The following ANO7 variants were observed in gnomAD, a reference collection of about 807,000 sequenced individuals.
The protein encoded by ANO7 is anoctamin 7, also known as anoctamin-7.
In ANO7, 114 loss-of-function variants were observed where a neutral mutation model predicts 115.8. The ratio of observed to expected loss-of-function variants is 0.98; its 90% confidence interval spans 0.85 to 1.15. The LOEUF (loss-of-function observed/expected upper bound fraction) is 1.15. Ranked by LOEUF, ANO7 falls within the 50% of genes most tolerant of loss-of-function variation. The pLI is 0.00. For missense variants in ANO7, 1,302 were observed against 1,201.2 expected, an observed-to-expected ratio of 1.08 and a Z score of -1.24; for synonymous variants, 550 against 498.2, an observed-to-expected ratio of 1.10 and a Z score of -1.38.
chr2:241,234,001 G>A, the ANO7 span: 3 of 1,612,406 alleles, frequency 1.9e-6, no homozygotes, highest in African/African-American at 1.3e-5. Flanking sequence ...CAAAGATTGA[G>A]CTGATCCACC....
intron 18 of ANO7, 40 bp from the exon 19 acceptor site, chr2:241,216,053 T>C (rs779760669): frequency 5.7e-6 from 9 of 1,572,336 alleles, no homozygotes; most frequent in Admixed American, 1.9e-5. Flanking sequence ...CTGAGACCCA[T>C]GTTGGATCAA....
rs60985508 is a variant in ANO7, at chr2:241,223,950, TCA to T, written c.2579_2580del (p.Ser860Ter). ...NGTKDEQPEG[S>X]ELSSHWTPFT... Reference sequence around the variant, plus strand: ...AACAAAGGATGAGCAGCCCGAGGGCTCAGAGGCAAGTCTGGGAGCAGCCAGGC... The same window carrying T: ...AACAAAGGATGAGCAGCCCGAGGGCTGAGGCAAGTCTGGGAGCAGCCAGGC... On this transcript the variant is annotated frameshift_variant, in exon 24 of 25. Coordinates refer to ENST00000674324, the MANE Select transcript of ANO7 (RefSeq NM_001370694.2). LOFTEE classifies it low-confidence loss of function (END_TRUNC). 0.018 allele frequency: 29,630 copies of T among 1,613,874 alleles called. 3,875 individuals are homozygous for T. The African/African-American group carries it at 0.31, about 17-fold the overall frequency.
the ANO7 span, among the ~76,000 whole-genome samples, chr2:241,234,873 A>G: frequency 3.0e-4 from 45 of 152,196 alleles, no homozygotes; most frequent in Admixed American, 6.5e-5. Flanking sequence ...TGGTTTTGAG[A>G]GAAACTGCAA....
chr2:241,214,846 C>CACAGGAG lies in ANO7; in HGVS notation c.1770_1771insACAGGAG (p.Leu591ThrfsTer46), dbSNP rs1423389894. On this transcript the variant is annotated frameshift_variant, in exon 18 of 25. Transcript: ENST00000674324. LOFTEE classifies it high-confidence loss of function. ...GCCTGATCGAGCTGGCACAGGAGCT[C>CACAGGAG]CTGGTCATCATGGTGGGCAAGCAGG... 1 of 1,612,724 alleles carries CACAGGAG rather than the reference C, an allele frequency of 6.2e-7. No homozygotes were observed. Among genetic ancestry groups the CACAGGAG allele is most frequent in the Non-Finnish European group, 8.5e-7 (1 of 1,179,962 alleles).
chr2:241,207,546 T>C, intron 10 of ANO7, 28 bp from the exon 11 acceptor site: 2 of 1,603,746 alleles, frequency 1.2e-6, no homozygotes, highest in Non-Finnish European at 8.5e-7. Flanking sequence ...CCCCATTAGC[T>C]CCCACCCCTC....
rs372220962 is a variant in ANO7 at position 241,210,479 on chromosome 2, C to A, written c.1470C>A (p.Ile490=). ...CTGTCTCCCGTTAGGCCTCTCGCAT[C>A]GCCAGCCTCACGGGGTCTGTAGTGA... is the stretch of plus-strand genomic sequence containing the variant. ...NTLLAAWASR[I]ASLTGSVVNL... Residue 490 remains isoleucine (I), a synonymous_variant, in exon 15 of 25, where the codon ATC becomes ATA. Coordinates refer to ENST00000674324, the MANE Select transcript of ANO7 (RefSeq NM_001370694.2). The A allele has an allele frequency of 6.2e-7, 1 of 1,614,068 alleles. No homozygotes were observed. The highest frequency in any genetic ancestry group is 8.5e-7 in the Non-Finnish European group (1 of 1,179,992).
the ANO7 span, among the ~76,000 whole-genome samples, chr2:241,232,352 T>G: frequency 6.6e-6 from 1 of 151,866 alleles, no homozygotes; most frequent in African/African-American, 2.4e-5. Context: ...CTCAGCTCAC[T>G]GCAGCCTCCG....
At chr2:241,192,587 G>A (rs1284489073) in intron 3 of ANO7, among the ~76,000 whole-genome samples, 1 of 152,080 alleles carries the variant, frequency 6.6e-6, no homozygotes. Flanking sequence ...TCCAAATACA[G>A]TTTCATTCTG....
the ANO7 span, chr2:241,233,758 C>T: frequency 4.4e-6 from 7 of 1,601,442 alleles, no homozygotes; most frequent in Non-Finnish European, 6.0e-6. This position sits in a 1 kb window ranked among gnomAD's most constrained non-coding sequence, Gnocchi z 4.3. Flanking sequence ...TTACTGCTCC[C>T]AAGTCACAGG....
chr2:241,236,801 A>C, the ANO7 span: 1 of 1,608,144 alleles, frequency 6.2e-7, no homozygotes, highest in South Asian at 1.1e-5. Flanking sequence ...GACAGCTGAC[A>C]GCTGCTGGAA....
chr2:241,204,963 T>TCC lies in ANO7; in HGVS notation c.980+8_980+9insCC. On this transcript the variant is annotated intron_variant, in intron 10 of 24. Coordinates refer to ENST00000674324, the MANE Select transcript of ANO7 (RefSeq NM_001370694.2). ...GTTCTCAGACATACCCACGTGAGTG[T>TCC]TCCCTCTCCGCAGCTCTGGGGCCTG... The TCC allele has an allele frequency of 6.2e-7, 1 of 1,613,414 alleles. No homozygotes were observed. The highest frequency in any genetic ancestry group is 8.5e-7 in the Non-Finnish European group (1 of 1,179,452).
intron 19 of ANO7, among the ~76,000 whole-genome samples, chr2:241,216,739 G>A (rs559846984): frequency 1.2e-3 from 185 of 152,392 alleles, no homozygotes; most frequent in Middle Eastern, 3.4e-3. Flanking sequence ...GCACTCTGGA[G>A]GGTGGGTCTG....
In ANO7 at chr2:241,209,272, C is replaced by T. The variant is rs369787801; in HGVS notation, c.1078-13C>T. ...TCCCAAGCAAGTCTGGACGCCCCCG[C>T]TCCCTGCCACAGGCCGGCCGGCTGT... On this transcript the variant is annotated splice_polypyrimidine_tract_variant and intron_variant, in intron 11 of 24. Coordinates refer to ENST00000674324, the MANE Select transcript of ANO7 (RefSeq NM_001370694.2). 3 of 1,547,324 alleles carry T rather than the reference C, an allele frequency of 1.9e-6. No homozygotes were observed. Among genetic ancestry groups the T allele is most frequent in the African/African-American group, 2.7e-5 (2 of 73,172 alleles).
Position 241,222,190 on chromosome 2 carries a change from C to T in ANO7, c.2322-996C>T, listed in dbSNP as rs546177383. The stretch of plus-strand genomic sequence containing the variant: ...CGGAGGTTGCAGTAAGCGAAGATCA[C>T]GCCACTGCACTCCAGCCTGGGCAAC... On this transcript the variant is annotated intron_variant, in intron 21 of 24. Transcript: ENST00000674324. 8.6e-5 allele frequency among the ~76,000 whole-genome samples: 13 copies of T among 151,818 alleles called. No homozygotes were observed. The East Asian group carries it at 1.9e-3, about 23-fold the overall frequency.
chr2:241,239,246 GGGA>G, the ANO7 span, among the ~76,000 whole-genome samples: 1 of 152,162 alleles, frequency 6.6e-6, no homozygotes, highest in Non-Finnish European at 1.5e-5. This position sits in a 1 kb window ranked among gnomAD's most constrained non-coding sequence, Gnocchi z 4.6. Context: ...CTTCACAGAG[GGGA>G]GAAGAGAGCT....
chr2:241,229,812 G>T (rs1320102841), downstream of ANO7: 3 of 1,450,268 alleles, frequency 2.1e-6, no homozygotes, highest in African/African-American at 2.8e-5. Context: ...GGACCCAGGA[G>T]GGCAGAAGCC....
rs1045397898 is a variant in ANO7, at chr2:241,212,550, C to T, written c.1674-22C>T. 3.1e-6 allele frequency: 5 copies of T among 1,610,696 alleles called. No individual in the cohort carries two copies. In the African/African-American group the frequency reaches 5.3e-5, roughly 17 times the overall value. ...AGACAGGAAGGATCCCATCAAGGCT[C>T]ATGATCTTGACTTTCTCCTAGGTTT... On this transcript the variant is annotated intron_variant, in intron 16 of 24. Coordinates refer to ENST00000674324, the MANE Select transcript of ANO7 (RefSeq NM_001370694.2).
At chr2:241,237,381 G>A in the ANO7 span, among the ~76,000 whole-genome samples, 12 of 152,196 alleles carry the variant, frequency 7.9e-5, no homozygotes, top group East Asian at 7.7e-4. Flanking sequence ...CTGGGACACC[G>A]CGTGTGTACC....
chr2:241,189,644 GT>G (rs2068141549), intron 1 of ANO7, among the ~76,000 whole-genome samples: 1 of 152,144 alleles, frequency 6.6e-6, no homozygotes, highest in South Asian at 2.1e-4. Flanking sequence ...GACTTGAGGG[GT>G]TTCCTGTCCC....
Sources: gnomAD v4.1 joint callset for allele counts (sites outside exome capture counted in the v4.1 genomes callset) on GRCh38, gnomAD v4.1.1 for gene constraint, Gnocchi (gnomAD v3.1) non-coding constraint, MANE v1.5 for transcripts, NCBI Gene and HGNC (gene_info 2026-07-23, HGNC 2026-07-21) for gene names.